POLR1C: variants seen among roughly 807,000 people sequenced by gnomAD.
POLR1C encodes RNA polymerase I and III subunit C, also known as DNA-directed RNA polymerases I and III subunit RPAC1.
A neutral mutation model predicts 38.3 loss-of-function variants in POLR1C; 42 were observed. The observed-to-expected ratio is 1.10, with a 90% CI of 0.86 to 1.42. The LOEUF is 1.42. POLR1C is among the 40% of genes most tolerant of loss of function. The pLI, the probability that POLR1C is intolerant of heterozygous loss-of-function variation, is 0.00. For synonymous variants in POLR1C, 163 were observed against 163.9 expected (o/e 0.99, Z 0.04); for missense variants, 507 against 450.5 (o/e 1.13, Z -1.14).
In POLR1C at chr6:43,520,183, A is replaced by G; in HGVS notation, c.500A>G (p.Lys167Arg). Reference protein sequence around the residue: ...SDPNELYVNHKVYTRHMTWIP... With the variant: ...SDPNELYVNHRVYTRHMTWIP... ...CCCAACGAACTGTACGTGAACCACA[A>G]AGGTGAGTAGTGGTAGGGTGAGGAA... is the stretch of plus-strand genomic sequence containing the variant. The change falls in exon 5 of 9, where the codon AAA (lysine) becomes AGA (arginine). Residue 167 changes from lysine to arginine, a missense_variant and splice_region_variant. Lys to Arg is a conservative substitution (Grantham distance 26). Coordinates refer to ENST00000642195, the MANE Select transcript of POLR1C (RefSeq NM_203290.4). 2 of 1,614,188 alleles carry G rather than the reference A, an allele frequency of 1.2e-6. No homozygotes were observed. The highest frequency in any genetic ancestry group is 1.7e-6 in the Non-Finnish European group (2 of 1,180,032).
At chr6:43,522,458 C>A, downstream of POLR1C, 1 of 162,384 alleles carries the variant, frequency 6.2e-6, no homozygotes, top group Non-Finnish European at 1.4e-5. Context: ...AAAAATATTA[C>A]AATGCAATAA....
chr6:43,521,160 A>G (rs1341565476), intron 8 of POLR1C, 22 bp from the exon 9 acceptor site: 10 of 1,613,172 alleles, frequency 6.2e-6, no homozygotes, highest in Middle Eastern at 1.7e-4. Flanking sequence ...TGCCTAGACT[A>G]AAGTGTCTCT....
intron 5 of POLR1C, 34 bp from the exon 6 acceptor site, chr6:43,520,241 G>A (rs745488555): frequency 1.9e-6 from 3 of 1,613,748 alleles, no homozygotes; most frequent in Non-Finnish European, 2.5e-6. Context: ...GCTAGTTTTA[G>A]GGACTGAGAT....
intron 10 of POLR1C, chr6:43,560,332 A>G (rs758491694): frequency 1.1e-5 from 17 of 1,571,104 alleles, no homozygotes; most frequent in Non-Finnish European, 1.5e-5. Flanking sequence ...GAAAACGTCA[A>G]AGGATTTGGA....
chr6:43,526,476 G>A (rs1234569070), downstream of POLR1C: 3 of 588,514 alleles, frequency 5.1e-6, no homozygotes, highest in South Asian at 4.0e-5. Flanking sequence ...TGGTTGGGAG[G>A]AAATCATCTG....
intron 8 of POLR1C, chr6:43,526,548 AGAG>A: frequency 1.1e-6 from 1 of 947,314 alleles, no homozygotes; most frequent in Non-Finnish European, 1.6e-6. Context: ...GCACACAGCA[AGAG>A]GGCTGGTCCA....
intron 10 of POLR1C, among the ~76,000 whole-genome samples, chr6:43,559,962 G>A (rs1762324245): frequency 1.3e-5 from 2 of 152,166 alleles, no homozygotes; most frequent in Non-Finnish European, 2.9e-5. Context: ...GTCTACAGGT[G>A]CATACCAACA....
chr6:43,523,762 CAGT>C (rs747888842), downstream of POLR1C: 23 of 1,567,772 alleles, frequency 1.5e-5, no homozygotes, highest in Admixed American at 3.3e-4. Context: ...TCCAGGCTGA[CAGT>C]GGTGGAAAGT....
Position 43,538,139 on chromosome 6 carries a change from C to CTTTTTTTTT in POLR1C, c.*4+8800_*4+8808dup, listed in dbSNP as rs1160662301. Among the ~76,000 whole-genome samples, 21 of 48,938 alleles carry CTTTTTTTTT rather than the reference C, an allele frequency of 4.3e-4. 1 individual carries two copies. The highest frequency in any genetic ancestry group is 1.7e-3 in the African/African-American group (20 of 12,110). 32.1% of individuals were successfully genotyped at this position (48,938 alleles called of 152,430 possible). ...TATAAATTTAGAGCCTAAGAGACAT[C>CTTTTTTTTT]TTTTTTTTTTTTTTTTTTTTTTTTT... On this transcript the variant is annotated intron_variant, in intron 9 of 10. Transcript: ENST00000607635.
downstream of POLR1C, chr6:43,522,723 G>A (rs769776832): frequency 4.0e-6 from 2 of 500,454 alleles, no homozygotes; most frequent in Non-Finnish European, 8.3e-6. Context: ...TCTTGTCAGT[G>A]GACTGGATGG....
chr6:43,520,858 A>G (rs961302923), intron 7 of POLR1C, 74 bp from the exon 8 acceptor site: 8 of 1,600,520 alleles, frequency 5.0e-6, no homozygotes, highest in Non-Finnish European at 6.9e-6. Flanking sequence ...CTGGGCTCCT[A>G]AAAGTATAAC....
In POLR1C at chr6:43,521,392, T is replaced by G. The variant is rs140085360; in HGVS notation, c.*92T>G. 280 of 1,600,944 alleles carry G rather than the reference T, an allele frequency of 1.7e-4. No individual in the cohort carries two copies. Among genetic ancestry groups the G allele is most frequent in the Non-Finnish European group, 2.2e-4 (264 of 1,174,766 alleles). Reference sequence around the variant, plus strand: ...ACAGAGAGCCCAGTGTGACTAGGGATCCTGAGTTTTCTGGGACAATTCCAG... The same window carrying G: ...ACAGAGAGCCCAGTGTGACTAGGGAGCCTGAGTTTTCTGGGACAATTCCAG... On this transcript the variant is annotated 3_prime_UTR_variant, in exon 9 of 9. Coordinates refer to ENST00000642195, the MANE Select transcript of POLR1C (RefSeq NM_203290.4).
At chr6:43,530,709 A>G (rs748403558), downstream of POLR1C, 1 of 1,614,004 alleles carries the variant, frequency 6.2e-7, no homozygotes, top group Non-Finnish European at 8.5e-7. Context: ...CTGAGTCGGT[A>G]GTCAGGAATA....
At chr6:43,553,663 A>G in intron 10 of POLR1C, 1 of 1,386,774 alleles carries the variant, frequency 7.2e-7, no homozygotes, top group Non-Finnish European at 9.3e-7. Context: ...CAGCTGGGGC[A>G]AAGAAAAGAT....
chr6:43,517,264 G>A, intron 1 of POLR1C, 42 bp from the exon 2 acceptor site: 1 of 1,604,332 alleles, frequency 6.2e-7, no homozygotes, highest in Non-Finnish European at 8.5e-7. Context: ...ATAGCTGTGG[G>A]CTCACTGTCC....
downstream of POLR1C, among the ~76,000 whole-genome samples, chr6:43,531,300 C>CA (rs1283654938): frequency 4.8e-4 from 73 of 152,170 alleles, no homozygotes; most frequent in Non-Finnish European, 7.6e-4. Flanking sequence ...ATGACAATTA[C>CA]AAAAAAAGCA....
intron 9 of POLR1C, chr6:43,538,787 C>T (rs996689816): frequency 1.9e-5 from 14 of 730,078 alleles, no homozygotes; most frequent in Middle Eastern, 8.2e-4. Context: ...TTTTTTCCCA[C>T]GCTTAATTCA....
chr6:43,520,637 C>G lies in POLR1C; in HGVS notation c.668C>G (p.Ala223Gly). 6.2e-7 allele frequency: 1 copy of G among 1,614,172 alleles called. No individual in the cohort carries two copies. Residue 223 changes from alanine to glycine, a missense_variant, in exon 7 of 9, where the codon GCC becomes GGC. Transcript: ENST00000642195. ...HCVKGIGKDH[A>G]KFSPVATASY... ...TCTTCCTCTCCAGGCAAAGATCATG[C>G]CAAGTTTTCACCAGTGGCAACAGCC...
downstream of POLR1C, chr6:43,523,521 G>C: frequency 2.3e-6 from 1 of 443,470 alleles, no homozygotes; most frequent in Non-Finnish European, 4.4e-6. Context: ...AGCACCCTTA[G>C]TTACCATTCT....
Sources: gnomAD v4.1 joint callset for allele counts (sites outside exome capture counted in the v4.1 genomes callset) on GRCh38, gnomAD v4.1.1 for gene constraint, MANE v1.5 for transcripts, NCBI Gene and HGNC (gene_info 2026-07-23, HGNC 2026-07-21) for gene names.